Variants in PROZ observed in about 807,000 individuals in gnomAD.
PROZ encodes protein Z, vitamin K dependent plasma glycoprotein, also known as vitamin K-dependent protein Z.
PROZ carries 46 observed loss-of-function variants against 34.9 expected under a neutral mutation model. The ratio of observed to expected loss-of-function variants is 1.32; its 90% CI spans 1.04 to 1.69. The LOEUF (loss-of-function observed/expected upper bound fraction) is 1.69. Among genes scored for constraint, PROZ ranks in the 40% most tolerant of loss-of-function variants. The pLI is 0.00. For missense variants in PROZ, 530 were observed against 520.4 expected, an observed-to-expected ratio of 1.02 and a Z score of -0.18; for synonymous variants, 195 against 208.5, an observed-to-expected ratio of 0.94 and a Z score of 0.56.
chr13:113,160,012 A>T lies in PROZ; in HGVS notation c.71-2A>T. On this transcript the variant is annotated splice_acceptor_variant, in intron 1 of 7. Transcript: ENST00000375547. LOFTEE classifies it high-confidence loss of function. ...TCACCTGCCTTCTTGTCTCGTCTGT[A>T]GTATTTCTCCCGGCCTCCAAAGCAA... 3 of 1,613,932 alleles carry T rather than the reference A, an allele frequency of 1.9e-6. No individual in the cohort carries two copies. Among genetic ancestry groups the T allele is most frequent in the Non-Finnish European group, 2.5e-6 (3 of 1,180,018 alleles).
At chr13:113,168,608 TATCA>T (rs1396745141) in intron 6 of PROZ, among the ~76,000 whole-genome samples, 1 of 152,266 alleles carries the variant, frequency 6.6e-6, no homozygotes, top group African/African-American at 2.4e-5. Context: ...AGATTTCCTC[TATCA>T]TGGATTTTGA....
At chr13:113,164,891 T>G in intron 5 of PROZ, 162 bp from the exon 6 acceptor site, 1 of 939,754 alleles carries the variant, frequency 1.1e-6, no homozygotes. Context: ...TTAACTCCAG[T>G]CTGTGTGTCT....
Position 113,171,782 on chromosome 13 carries a change from C to G in PROZ, c.880C>G (p.Pro294Ala), listed in dbSNP as rs2037119145. 1.9e-6 allele frequency: 3 copies of G among 1,612,792 alleles called. No individual in the cohort carries two copies. The South Asian group carries it at 3.3e-5, about 18-fold the overall frequency. ...EKDFAEHLLI[P>A]RTRGLLSGWA... Reference sequence around the variant, plus strand: ...AGACTTCGCTGAGCACCTCCTCATCCCACGCACCAGGGGCCTCCTCAGCGG... The same window carrying G: ...AGACTTCGCTGAGCACCTCCTCATCGCACGCACCAGGGGCCTCCTCAGCGG... The change falls in exon 8 of 8, where the codon CCA (proline) becomes GCA (alanine). Residue 294 changes from proline to alanine, a missense_variant. Physicochemically the swap from Pro to Ala is conservative, Grantham distance 27. Coordinates refer to ENST00000375547, the MANE Select transcript of PROZ (RefSeq NM_003891.3). This position sits in a 1 kb window ranked among gnomAD's most constrained non-coding sequence, Gnocchi z 5.1.
In PROZ at chr13:113,171,652, C is replaced by G. The variant is rs199523691; in HGVS notation, c.750C>G (p.His250Gln). The change falls in exon 8 of 8, where the codon CAC becomes CAG. Residue 250 changes from histidine (H) to glutamine (Q), a missense_variant. Transcript: ENST00000375547. The surrounding 1 kb of genome is among the most constrained non-coding windows in gnomAD (Gnocchi z 5.1). ...LMIKITHVHV[H>Q]MRYDADAGEN... is the part of the protein sequence containing the mutation. ...TCAAGATAACGCACGTCCATGTGCA[C>G]ATGCGGTATGACGCGGACGCGGGGG... 5.6e-6 allele frequency: 9 copies of G among 1,614,126 alleles called. No homozygotes were observed. Among genetic ancestry groups the G allele is most frequent in the Non-Finnish European group, 7.6e-6 (9 of 1,180,034 alleles).
intron 2 of PROZ, 70 bp from the exon 3 acceptor site, chr13:113,160,878 T>A (rs1375335450): frequency 7.4e-7 from 1 of 1,348,896 alleles, no homozygotes; most frequent in Non-Finnish European, 1.1e-6. Context: ...TACCTTCAAG[T>A]TCATCTACAG....
rs748506426 is a variant in PROZ at position 113,165,125 on chromosome 13, CAG to C, written c.573+8_573+9del. ...CTACAGGACCTCCCGTGGCAGGTAA[CAG>C]AGCGCTCTCCGCGTGCTTCAATTTA... On this transcript the variant is annotated splice_donor_region_variant and intron_variant, in intron 6 of 7. Coordinates refer to ENST00000375547, the MANE Select transcript of PROZ (RefSeq NM_003891.3). 2 of 1,610,460 alleles carry C rather than the reference CAG, an allele frequency of 1.2e-6. No individual in the cohort carries two copies. The highest frequency in any genetic ancestry group is 2.2e-5 in the South Asian group (2 of 91,068).
In PROZ at chr13:113,159,624, G is replaced by A. The variant is rs944651147; in HGVS notation, c.71-390G>A. Among the ~76,000 whole-genome samples, 1 of 152,236 alleles carries A rather than the reference G, an allele frequency of 6.6e-6. No individual in the cohort carries two copies. Among genetic ancestry groups the A allele is most frequent in the Non-Finnish European group, 1.5e-5 (1 of 68,040 alleles). On this transcript the variant is annotated intron_variant, in intron 1 of 7. Transcript: ENST00000375547. The surrounding 1 kb of genome is among the most constrained non-coding windows in gnomAD (Gnocchi z 4.6). ...GTGTTTTATCAAGATGTTAAATGCT[G>A]CGCACAGAGGCAGCACAGGAGCTGA...
chr13:113,166,110 A>T (rs941693185), intron 6 of PROZ: 1 of 152,218 alleles, frequency 6.6e-6, no homozygotes, highest in Non-Finnish European at 1.5e-5. Context: ...CTCTAACACA[A>T]TTATCTCCTG....
At chr13:113,164,202 T>A (rs985693308) in intron 4 of PROZ, among the ~76,000 whole-genome samples, 20 of 152,070 alleles carry the variant, frequency 1.3e-4, no homozygotes, top group Admixed American at 2.6e-4. Flanking sequence ...CTGGTCTTGA[T>A]CTCCTGACCT....
chr13:113,160,157 T>C lies in PROZ; in HGVS notation c.214T>C (p.Phe72Leu). ...TGTCTATGAAGAAGCAAGAGAAGTG[T>C]TTGAAAATGAAGTAGTCACTGTATG... is the stretch of plus-strand genomic sequence containing the variant. ...ICVYEEAREV[F>L]ENEVVTDEFW... The change falls in exon 2 of 8, where the codon TTT becomes CTT. Residue 72 changes from phenylalanine to leucine, a missense_variant. By Grantham distance (22) the Phe-to-Leu change is conservative. Coordinates refer to ENST00000375547, the MANE Select transcript of PROZ (RefSeq NM_003891.3). 1 of 1,614,100 alleles carries C rather than the reference T, an allele frequency of 6.2e-7. No homozygotes were observed. Among genetic ancestry groups the C allele is most frequent in the Non-Finnish European group, 8.5e-7 (1 of 1,180,022 alleles).
rs1176008979 is a variant in PROZ, at chr13:113,171,689, T to C, written c.787T>C (p.Ser263Pro). ...CGCGGACGCGGGGGAGAATGACCTG[T>C]CACTGCTGGAGCTGGAGTGGCCCAT... The part of the protein sequence containing the change: ...YDADAGENDL[S>P]LLELEWPIQC... Residue 263 changes from serine (S) to proline (P), a missense_variant, in exon 8 of 8, where the codon TCA becomes CCA. By Grantham distance (74) the Ser-to-Pro change is moderately conservative (BLOSUM62 -1). Transcript: ENST00000375547. This position sits in a 1 kb window ranked among gnomAD's most constrained non-coding sequence, Gnocchi z 5.1. 1 of 1,613,980 alleles carries C rather than the reference T, an allele frequency of 6.2e-7. No individual in the cohort carries two copies. The highest frequency in any genetic ancestry group is 2.2e-5 in the East Asian group (1 of 44,882).
In PROZ at chr13:113,159,216, C is replaced by T. The variant is rs755851164; in HGVS notation, c.70+486C>T. On this transcript the variant is annotated intron_variant, in intron 1 of 7. Coordinates refer to ENST00000375547, the MANE Select transcript of PROZ (RefSeq NM_003891.3). This position sits in a 1 kb window ranked among gnomAD's most constrained non-coding sequence, Gnocchi z 4.6. ...ACCACCAGCCACTTCACTGAAGGAACGACATGGACTCCATTCTGACTCTGC... is the reference window on the plus strand; with the variant it reads ...ACCACCAGCCACTTCACTGAAGGAATGACATGGACTCCATTCTGACTCTGC... 1.7e-5 allele frequency: 27 copies of T among 1,546,948 alleles called. No homozygotes were observed. The highest frequency in any genetic ancestry group is 6.8e-5 in the African/African-American group (5 of 73,080).
intron 4 of PROZ, among the ~76,000 whole-genome samples, chr13:113,163,959 A>G (rs902307161): frequency 5.1e-5 from 5 of 98,198 alleles, no homozygotes; most frequent in African/African-American, 1.0e-4. Flanking sequence ...GTCATCACTC[A>G]TGGAGTCTTT....
At chr13:113,170,870 T>C (rs549962991) in intron 7 of PROZ, among the ~76,000 whole-genome samples, 35 of 152,034 alleles carry the variant, frequency 2.3e-4, no homozygotes, top group African/African-American at 8.2e-4. Flanking sequence ...CCCCCAGCAG[T>C]TGAGACCTCA....
chr13:113,164,771 T>C (rs2036871767), intron 5 of PROZ, 127 bp downstream of exon 5: 11 of 1,439,338 alleles, frequency 7.6e-6, no homozygotes, highest in Middle Eastern at 2.4e-4. Flanking sequence ...ACTCAGAAGG[T>C]GGTCCGCGTC....
In PROZ at chr13:113,159,902, T is replaced by A. The variant is rs867594689; in HGVS notation, c.71-112T>A. On this transcript the variant is annotated intron_variant, in intron 1 of 7. Coordinates refer to ENST00000375547, the MANE Select transcript of PROZ (RefSeq NM_003891.3). The surrounding 1 kb of genome is among the most constrained non-coding windows in gnomAD (Gnocchi z 4.6). The stretch of plus-strand genomic sequence containing the variant: ...CTGAGGCCCTCGCAGGCTGAGAGCC[T>A]GTGGAGACGGACGGGGCTGGGGCTG... 3 of 1,314,158 alleles carry A rather than the reference T, an allele frequency of 2.3e-6. No homozygotes were observed. Among genetic ancestry groups the A allele is most frequent in the Non-Finnish European group, 3.3e-6 (3 of 911,170 alleles). The allele number at this position is 1,314,158 out of a possible 1,614,324, so 81.4% of individuals were successfully genotyped here.
intron 5 of PROZ, 96 bp downstream of exon 5, chr13:113,164,740 T>A: frequency 6.4e-7 from 1 of 1,554,198 alleles, no homozygotes; most frequent in Non-Finnish European, 8.7e-7. Context: ...GCCCGCGGAT[T>A]TGTGATAAGC....
At chr13:113,163,369 G>A (rs1218494988) in intron 4 of PROZ, among the ~76,000 whole-genome samples, 1 of 151,704 alleles carries the variant, frequency 6.6e-6, no homozygotes, top group East Asian at 1.9e-4. Context: ...CATAGCAGGG[G>A]CCCCTCTCCT....
Position 113,165,691 on chromosome 13 carries a change from C to T in PROZ, c.573+571C>T, listed in dbSNP as rs915966264. Among the ~76,000 whole-genome samples the T allele has an allele frequency of 2.0e-5, 3 of 152,022 alleles. No homozygotes were observed. The South Asian group carries it at 6.3e-4, about 32-fold the overall frequency. ...GATTACAGGAATGTGCCACCACGCC[C>T]GGCTGATTTTTATATTTTTAGTAGA... is the stretch of plus-strand genomic sequence containing the variant. On this transcript the variant is annotated intron_variant, in intron 6 of 7. Coordinates refer to ENST00000375547, the MANE Select transcript of PROZ (RefSeq NM_003891.3).
Sources: allele counts gnomAD v4.1 joint callset (sites outside exome capture counted in the v4.1 genomes callset), GRCh38; gene constraint gnomAD v4.1.1; non-coding constraint Gnocchi (gnomAD v3.1); transcripts MANE v1.5; gene names NCBI Gene and HGNC (gene_info 2026-07-23, HGNC 2026-07-21).